SLC22A23: variants seen among roughly 807,000 people sequenced by gnomAD.
SLC22A23 encodes solute carrier family 22 member 23.
A neutral mutation model predicts 61.0 loss-of-function variants in SLC22A23; 26 were observed. The observed-to-expected ratio is 0.43, with a 90% CI of 0.31 to 0.59. The LOEUF is 0.59. SLC22A23 is among the 20% of genes least tolerant of loss of function. The pLI is 0.11. For missense variants in SLC22A23, 796 were observed against 934.7 expected (o/e 0.85, Z 1.94); for synonymous variants, 430 against 413.9 (o/e 1.04, Z -0.47).
chr6:3,353,623 C>G (rs1166492822), intron 3 of SLC22A23, among the ~76,000 whole-genome samples: 1 of 152,222 alleles, frequency 6.6e-6, no homozygotes, highest in Non-Finnish European at 1.5e-5. Flanking sequence ...TCCCAAATCA[C>G]TAGATCAGTC....
At chr6:3,341,501 T>C (rs950453105) in intron 3 of SLC22A23, among the ~76,000 whole-genome samples, 1 of 152,068 alleles carries the variant, frequency 6.6e-6, no homozygotes, top group African/African-American at 2.4e-5. Flanking sequence ...GTCCAGAACA[T>C]GAAAACCCAG....
chr6:3,385,845 ACT>A lies in SLC22A23; in HGVS notation c.913+24341_913+24342del, dbSNP rs765890421. Among the ~76,000 whole-genome samples, 132 of 152,276 alleles carry A rather than the reference ACT, an allele frequency of 8.7e-4. 2 individuals carry two copies. The highest frequency in any genetic ancestry group is 6.8e-4 in the Non-Finnish European group (46 of 68,014). ...AAACAAACAACATTCCTCAGAGAGC[ACT>A]CTGTTACCAGGACAGAGAGACGTAT... On this transcript the variant is annotated intron_variant, in intron 3 of 9. Coordinates refer to ENST00000406686, the MANE Select transcript of SLC22A23 (RefSeq NM_015482.2).
At chr6:3,341,666 G>A (rs890248030) in intron 3 of SLC22A23, among the ~76,000 whole-genome samples, 7 of 152,074 alleles carry the variant, frequency 4.6e-5, no homozygotes, top group South Asian at 4.2e-4. Flanking sequence ...TCTGATTCAC[G>A]CTGGGCTGCC....
Position 3,440,706 on chromosome 6 carries a change from C to CAA in SLC22A23, c.654+15199_654+15200insTT, listed in dbSNP as rs1463035257. Among the ~76,000 whole-genome samples the CAA allele has an allele frequency of 2.6e-3, 178 of 68,564 alleles. 2 individuals are homozygous for CAA. Among genetic ancestry groups the CAA allele is most frequent in the African/African-American group, 8.4e-3 (164 of 19,560 alleles). 45.0% of individuals were successfully genotyped at this position (68,564 alleles called of 152,430 possible). ...TGGGCAACAGAGCAAGACTCCGTCT[C>CAA]AGAAAAAAAAAAAAAAAGAAGAGGA... On this transcript the variant is annotated intron_variant, in intron 1 of 9. Coordinates refer to ENST00000406686, the MANE Select transcript of SLC22A23 (RefSeq NM_015482.2).
At chr6:3,334,904 G>A (rs941799567) in intron 3 of SLC22A23, among the ~76,000 whole-genome samples, 4 of 152,226 alleles carry the variant, frequency 2.6e-5, no homozygotes. Flanking sequence ...TTAGTTGGTA[G>A]CAAAAGCAAA....
chr6:3,273,850 G>A (rs1758656678), intron 9 of SLC22A23, among the ~76,000 whole-genome samples: 1 of 152,172 alleles, frequency 6.6e-6, no homozygotes, highest in African/African-American at 2.4e-5. Flanking sequence ...GGGTTAAAGA[G>A]GGTACTAAGG....
chr6:3,381,491 A>G (rs537433674), intron 3 of SLC22A23, among the ~76,000 whole-genome samples: 8 of 152,344 alleles, frequency 5.3e-5, no homozygotes, highest in East Asian at 1.9e-4. Context: ...CCAGTCCCCA[A>G]TAAAAATTAA....
At chr6:3,298,288 T>C (rs1208917005) in intron 4 of SLC22A23, 70 bp from the exon 5 acceptor site, 4 of 1,526,304 alleles carry the variant, frequency 2.6e-6, no homozygotes, top group Middle Eastern at 3.6e-4. Context: ...GTGGCTTAGG[T>C]GTGGCCCGGG....
At position 3,304,374 on chromosome 6, in the gene SLC22A23, C is replaced by T. The variant is rs950025706; in HGVS notation, c.1083-6156G>A. Among the ~76,000 whole-genome samples the T allele has an allele frequency of 3.3e-5, 5 of 152,224 alleles. No individual in the cohort carries two copies. Among genetic ancestry groups the T allele is most frequent in the African/African-American group, 1.2e-4 (5 of 41,458 alleles). On this transcript the variant is annotated intron_variant, in intron 4 of 9. Coordinates refer to ENST00000406686, the MANE Select transcript of SLC22A23 (RefSeq NM_015482.2). The surrounding 1 kb of genome is among the most constrained non-coding windows in gnomAD (Gnocchi z 4.3). ...TTATGAGAAGTGATGATGAGCAAGTCCCCTTCTAGAGAGTCTCTGAGAATT... is the reference window on the plus strand; with the variant it reads ...TTATGAGAAGTGATGATGAGCAAGTTCCCTTCTAGAGAGTCTCTGAGAATT...
Position 3,410,055 on chromosome 6 carries a change from G to T in SLC22A23, c.913+133C>A. 1 of 958,770 alleles carries T rather than the reference G, an allele frequency of 1.0e-6. No individual in the cohort carries two copies. The highest frequency in any genetic ancestry group is 1.5e-6 in the Non-Finnish European group (1 of 658,604). 59.4% of individuals were successfully genotyped at this position (958,770 alleles called of 1,614,324 possible). On this transcript the variant is annotated intron_variant, in intron 3 of 9. Transcript: ENST00000406686. This position sits in a 1 kb window ranked among gnomAD's most constrained non-coding sequence, Gnocchi z 5.0. The stretch of plus-strand genomic sequence containing the variant: ...AAAAGCCTCTTTCACAACACTTGAG[G>T]CCTTTAATGTTTGTGTTTCCACAAA...
At chr6:3,314,182 A>AT (rs757450463) in intron 4 of SLC22A23, among the ~76,000 whole-genome samples, 15 of 152,370 alleles carry the variant, frequency 9.8e-5, no homozygotes, top group Non-Finnish European at 1.5e-4. Flanking sequence ...AATGTTAAAC[A>AT]ATGTACTTAC....
chr6:3,350,158 T>C (rs1764680643), intron 3 of SLC22A23, among the ~76,000 whole-genome samples: 1 of 152,228 alleles, frequency 6.6e-6, no homozygotes, highest in South Asian at 2.1e-4. Flanking sequence ...TTGTGTGTGA[T>C]GCACTTAATT....
At chr6:3,332,409 T>A (rs1340532648) in intron 3 of SLC22A23, among the ~76,000 whole-genome samples, 1 of 152,208 alleles carries the variant, frequency 6.6e-6, no homozygotes, top group African/African-American at 2.4e-5. Context: ...GAAGAATTAT[T>A]AGCAACTTAG....
In SLC22A23 at chr6:3,384,525, C is replaced by T. The variant is rs1474735825; in HGVS notation, c.913+25663G>A. Among the ~76,000 whole-genome samples, 4 of 152,156 alleles carry T rather than the reference C, an allele frequency of 2.6e-5. No homozygotes were observed. In the East Asian group the frequency reaches 7.7e-4, roughly 29 times the overall value. On this transcript the variant is annotated intron_variant, in intron 3 of 9. Coordinates refer to ENST00000406686, the MANE Select transcript of SLC22A23 (RefSeq NM_015482.2). The stretch of plus-strand genomic sequence containing the variant: ...GAAAATAAATCACGGAACAGAGCTG[C>T]CTTTTGGTTTCATCATCACACTACC...
At chr6:3,335,916 C>T (rs990529438) in intron 3 of SLC22A23, among the ~76,000 whole-genome samples, 18 of 152,032 alleles carry the variant, frequency 1.2e-4, no homozygotes, top group Admixed American at 6.6e-4. Context: ...GGTGAAATCC[C>T]GTCTCTACTA....
chr6:3,310,185 G>C (rs1201546968), intron 4 of SLC22A23, among the ~76,000 whole-genome samples: 1 of 151,654 alleles, frequency 6.6e-6, no homozygotes, highest in African/African-American at 2.4e-5. Context: ...ACTCCTCAAA[G>C]CTGAGTGTCA....
intron 4 of SLC22A23, among the ~76,000 whole-genome samples, chr6:3,298,978 CAAAA>C (rs56373817): frequency 1.9e-4 from 20 of 104,128 alleles, no homozygotes; most frequent in African/African-American, 5.2e-4. Flanking sequence ...GACTCCGTCT[CAAAA>C]AAAAAAAAAA....
At chr6:3,374,366 G>A (rs1405013610) in intron 3 of SLC22A23, among the ~76,000 whole-genome samples, 3 of 152,186 alleles carry the variant, frequency 2.0e-5, no homozygotes, top group African/African-American at 7.2e-5. Context: ...GGACTGGGAG[G>A]CCTGTGATGA....
chr6:3,411,481 T>C (rs1048779468), intron 2 of SLC22A23, among the ~76,000 whole-genome samples: 5 of 152,178 alleles, frequency 3.3e-5, no homozygotes, highest in East Asian at 1.9e-4. Flanking sequence ...TGGGGGGTGA[T>C]GTTTCCATCA....
Sources: allele counts gnomAD v4.1 joint callset (sites outside exome capture counted in the v4.1 genomes callset), GRCh38; gene constraint gnomAD v4.1.1; non-coding constraint Gnocchi (gnomAD v3.1); transcripts MANE v1.5; gene names NCBI Gene and HGNC (gene_info 2026-07-23, HGNC 2026-07-21).